CRACR2A: variants seen among roughly 807,000 people sequenced by gnomAD.
CRACR2A encodes the protein calcium release activated channel regulator 2A.
A neutral mutation model predicts 90.5 loss-of-function variants in CRACR2A; 79 were observed. That is an observed-to-expected ratio of 0.87 (90% CI 0.73 to 1.05). The LOEUF (loss-of-function observed/expected upper bound fraction) is 1.05. Ranked by LOEUF, CRACR2A falls within the 50% of genes least tolerant of loss-of-function variation. The pLI, the probability that CRACR2A is intolerant of heterozygous loss-of-function variation, is 0.00. For missense variants in CRACR2A, 823 were observed against 897.2 expected (o/e 0.92, Z 1.06); for synonymous variants, 338 against 356.7 (o/e 0.95, Z 0.59).
At chr12:3,637,051 G>A (rs1446039656) in intron 14 of CRACR2A, among the ~76,000 whole-genome samples, 1 of 152,182 alleles carries the variant, frequency 6.6e-6, no homozygotes, top group Non-Finnish European at 1.5e-5. Flanking sequence ...GGTCCCAAAC[G>A]AGGCAAAGAG....
chr12:3,730,587 TG>T (rs1565505310), intron 2 of CRACR2A: 1 of 152,216 alleles, frequency 6.6e-6, no homozygotes. Flanking sequence ...TGCTAAATTA[TG>T]GTAAATCCAT....
intron 15 of CRACR2A, among the ~76,000 whole-genome samples, chr12:3,632,495 C>A (rs1050499423): frequency 5.3e-5 from 8 of 152,154 alleles, no homozygotes; most frequent in African/African-American, 1.9e-4. Flanking sequence ...CTCACTGAAC[C>A]TCCACAGCCC....
intron 3 of CRACR2A, among the ~76,000 whole-genome samples, chr12:3,708,259 C>T (rs1945957784): frequency 1.3e-5 from 2 of 152,166 alleles, no homozygotes; most frequent in Non-Finnish European, 2.9e-5. Flanking sequence ...AAGCCCGGTC[C>T]TCCTGCCTCC....
At chr12:3,743,560 G>A (rs1161985096) in intron 1 of CRACR2A, among the ~76,000 whole-genome samples, 4 of 152,332 alleles carry the variant, frequency 2.6e-5, no homozygotes, top group South Asian at 2.1e-4. Context: ...CACGGTGCAG[G>A]TGTCTATACC....
intron 10 of CRACR2A, 89 bp from the exon 11 acceptor site, chr12:3,648,702 G>T: frequency 2.0e-6 from 3 of 1,515,016 alleles, no homozygotes; most frequent in Non-Finnish European, 2.7e-6. Flanking sequence ...AGGTGATGCC[G>T]TGCTGGGGAT....
chr12:3,632,979 G>T (rs1250398976), intron 15 of CRACR2A, among the ~76,000 whole-genome samples: 1 of 152,168 alleles, frequency 6.6e-6, no homozygotes, highest in Non-Finnish European at 1.5e-5. Flanking sequence ...GGGATTAAAG[G>T]CCTCTATTTA....
Position 3,621,728 on chromosome 12 carries a change from G to GA in CRACR2A, c.1933-2357dup, listed in dbSNP as rs113685052. Among the ~76,000 whole-genome samples the GA allele has an allele frequency of 4.8e-3, 544 of 114,098 alleles. 3 individuals carry two copies. Among genetic ancestry groups the GA allele is most frequent in the African/African-American group, 0.016 (487 of 30,278 alleles). 74.9% of individuals were successfully genotyped at this position (114,098 alleles called of 152,430 possible). On this transcript the variant is annotated intron_variant, in intron 17 of 19. Transcript: ENST00000440314. ...AAAATAAAGGAGCTTAGAAGGAGCA[G>GA]AAAAAAAAAATTTAAAAGCAAAGCA...
chr12:3,691,266 T>C (rs537707018), intron 4 of CRACR2A, among the ~76,000 whole-genome samples: 47 of 152,384 alleles, frequency 3.1e-4, no homozygotes, highest in African/African-American at 1.0e-3. Context: ...AAGTGTGTTT[T>C]TGTAGTGGCT....
At chr12:3,735,327 C>T (rs1323206103) in intron 1 of CRACR2A, among the ~76,000 whole-genome samples, 1 of 152,082 alleles carries the variant, frequency 6.6e-6, no homozygotes, top group Non-Finnish European at 1.5e-5. Flanking sequence ...CCTGTGTGGG[C>T]ACAAAGAAGG....
chr12:3,706,031 A>C (rs891038099), intron 3 of CRACR2A, among the ~76,000 whole-genome samples: 2 of 152,136 alleles, frequency 1.3e-5, no homozygotes, highest in Non-Finnish European at 2.9e-5. Flanking sequence ...CATCCCTAGC[A>C]CTGTTTGCAC....
At chr12:3,641,983 T>A (rs2137382384) in intron 12 of CRACR2A, 145 bp from the exon 13 acceptor site, 1 of 672,956 alleles carries the variant, frequency 1.5e-6, no homozygotes, top group Admixed American at 2.7e-5. Flanking sequence ...CCTGTTAGCG[T>A]CTAGCCACTC....
At chr12:3,639,844 A>C (rs535792218) in intron 13 of CRACR2A, among the ~76,000 whole-genome samples, 5 of 152,342 alleles carry the variant, frequency 3.3e-5, no homozygotes, top group Non-Finnish European at 7.3e-5. Flanking sequence ...TAAAAAAGCC[A>C]AATGTCTTCT....
At chr12:3,708,764 C>T (rs1945969143) in intron 3 of CRACR2A, among the ~76,000 whole-genome samples, 1 of 152,172 alleles carries the variant, frequency 6.6e-6, no homozygotes, top group Admixed American at 6.5e-5. Context: ...GACTCTTCCT[C>T]TCAAGGTTGG....
chr12:3,697,699 C>T (rs1195346820), intron 3 of CRACR2A, among the ~76,000 whole-genome samples: 1 of 152,126 alleles, frequency 6.6e-6, no homozygotes, highest in African/African-American at 2.4e-5. Flanking sequence ...GAGCTCTTGC[C>T]CAATGTCATA....
intron 10 of CRACR2A, among the ~76,000 whole-genome samples, chr12:3,651,507 T>C (rs1355787745): frequency 6.6e-6 from 1 of 152,258 alleles, no homozygotes; most frequent in African/African-American, 2.4e-5. Context: ...AAAACAGAGT[T>C]GCTGCTTCTC....
chr12:3,637,973 G>A, intron 14 of CRACR2A, 151 bp downstream of exon 14: 1 of 740,398 alleles, frequency 1.4e-6, no homozygotes, highest in East Asian at 2.7e-5. Context: ...AGCTAAGCAG[G>A]GGAAAGTGGT....
chr12:3,626,681 AGC>A, intron 17 of CRACR2A, among the ~76,000 whole-genome samples: 1 of 152,216 alleles, frequency 6.6e-6, no homozygotes, highest in African/African-American at 2.4e-5. Context: ...TGAAGGAATC[AGC>A]CGAGGCCTGG....
chr12:3,641,633 G>A (rs1003667194), intron 13 of CRACR2A, 99 bp downstream of exon 13: 13 of 1,027,484 alleles, frequency 1.3e-5, no homozygotes, highest in Admixed American at 6.8e-5. Context: ...CTCAGTTTCC[G>A]CACCTCTCAA....
intron 7 of CRACR2A, among the ~76,000 whole-genome samples, chr12:3,666,919 A>G (rs1945161451): frequency 1.3e-5 from 2 of 152,248 alleles, no homozygotes; most frequent in South Asian, 4.1e-4. Context: ...ATGAAAGCGT[A>G]GGCTTGGCCT....
Sources: allele counts gnomAD v4.1 joint callset (sites outside exome capture counted in the v4.1 genomes callset), GRCh38; gene constraint gnomAD v4.1.1; transcripts MANE v1.5; gene names NCBI Gene and HGNC (gene_info 2026-07-23, HGNC 2026-07-21).